The following EPHA8 variants were observed in gnomAD, a reference collection of about 807,000 sequenced individuals.
EPHA8 encodes EPH receptor A8.
EPHA8 carries 58 observed loss-of-function variants against 103.6 expected under a neutral mutation model. The observed-to-expected ratio is 0.56, with a 90% CI of 0.45 to 0.70. EPHA8 has a LOEUF of 0.70. Among genes scored for constraint, EPHA8 ranks in the 30% least tolerant of loss-of-function variants. The pLI, the probability that EPHA8 is intolerant of heterozygous loss-of-function variation, is 0.00. For synonymous variants in EPHA8, 559 were observed against 572.5 expected (o/e 0.98, Z 0.34); for missense variants, 1,304 against 1,395.2 (o/e 0.93, Z 1.04).
Position 22,576,676 on chromosome 1 carries a change from A to G in EPHA8, c.619A>G (p.Met207Val). Reference protein sequence around the residue: ...LRIYYKKCPAMVRNLAAFSEA... With the variant: ...LRIYYKKCPAVVRNLAAFSEA... ...CATCTACTATAAGAAGTGCCCTGCC[A>G]TGGTGCGCAATCTGGCTGCCTTCTC... The change falls in exon 3 of 17, where the codon ATG becomes GTG. Residue 207 changes from methionine (M) to valine (V), a missense_variant. Physicochemically the swap from Met to Val is conservative, Grantham distance 21. Coordinates refer to ENST00000166244, the MANE Select transcript of EPHA8 (RefSeq NM_020526.5). The surrounding 1 kb of genome is among the most constrained non-coding windows in gnomAD (Gnocchi z 4.8). The G allele has an allele frequency of 1.9e-6, 3 of 1,613,746 alleles. No individual in the cohort carries two copies. Among genetic ancestry groups the G allele is most frequent in the South Asian group, 1.1e-5 (1 of 91,072 alleles).
chr1:22,588,611 T>C (rs1253646586), intron 4 of EPHA8, among the ~76,000 whole-genome samples: 1 of 119,560 alleles, frequency 8.4e-6, no homozygotes, highest in Non-Finnish European at 1.7e-5. Context: ...CCTTGGATCA[T>C]GGTGGTCCTG....
At chr1:22,600,530 G>T in intron 13 of EPHA8, 131 bp from the exon 14 acceptor site, 1 of 1,260,968 alleles carries the variant, frequency 7.9e-7, no homozygotes, top group Non-Finnish European at 1.1e-6. Flanking sequence ...AGGTGCTCTG[G>T]GACGGTGGGG....
Position 22,576,980 on chromosome 1 carries a change from C to T in EPHA8, c.823+100C>T, listed in dbSNP as rs1640726592. The T allele has an allele frequency of 7.4e-6, 10 of 1,343,642 alleles. No homozygotes were observed. Among genetic ancestry groups the T allele is most frequent in the Non-Finnish European group, 9.9e-6 (10 of 1,007,974 alleles). The allele number at this position is 1,343,642 out of a possible 1,614,324, so 83.2% of individuals were successfully genotyped here. A position where few individuals can be genotyped will look rare whatever the true frequency, so the allele number is the denominator to read the frequency against. ...GGGGGACGTCAGAGCCCACAGGCAC[C>T]TGAGTGACCCACACAGCCCCTGGGA... On this transcript the variant is annotated intron_variant, in intron 3 of 16. Coordinates refer to ENST00000166244, the MANE Select transcript of EPHA8 (RefSeq NM_020526.5). This position sits in a 1 kb window ranked among gnomAD's most constrained non-coding sequence, Gnocchi z 4.8.
At chr1:22,600,149 G>A (rs1227187250) in intron 13 of EPHA8, among the ~76,000 whole-genome samples, 2 of 130,754 alleles carry the variant, frequency 1.5e-5, no homozygotes, top group Non-Finnish European at 3.3e-5. Flanking sequence ...GAGGAGGGAG[G>A]GAGGGAAGGA....
rs567403189 is a variant in EPHA8, at chr1:22,590,436, C to T, written c.1315+1230C>T. Reference sequence around the variant, plus strand: ...GTGCCTGGCGTATCTACTTCTTCCTCTCCTCTGCGGGACTTCTCCATGTCT... The same window carrying T: ...GTGCCTGGCGTATCTACTTCTTCCTTTCCTCTGCGGGACTTCTCCATGTCT... On this transcript the variant is annotated intron_variant, in intron 5 of 16. Transcript: ENST00000166244. 3.3e-5 allele frequency among the ~76,000 whole-genome samples: 5 copies of T among 152,332 alleles called. No homozygotes were observed. In the South Asian group the frequency reaches 8.3e-4, roughly 25 times the overall value.
At chr1:22,590,785 G>C (rs11578578) in intron 5 of EPHA8, among the ~76,000 whole-genome samples, 15,157 of 151,954 alleles carry the variant, frequency 0.1, 1,035 homozygotes, top group Non-Finnish European at 0.15. Flanking sequence ...CCCAACTCGC[G>C]GTCACCAGCG....
rs1419497993 is a variant in EPHA8 at position 22,588,857 on chromosome 1, T to C, written c.980-14T>C. On this transcript the variant is annotated splice_polypyrimidine_tract_variant and intron_variant, in intron 4 of 16. Transcript: ENST00000166244. ...TAAATAACCACTGCCCCATCTGTCA[T>C]CCTCTGCCCTCAGGGCCACCCTCGG... is the stretch of plus-strand genomic sequence containing the variant. 1.3e-6 allele frequency: 2 copies of C among 1,564,780 alleles called. No homozygotes were observed. Among genetic ancestry groups the C allele is most frequent in the African/African-American group, 2.7e-5 (2 of 74,368 alleles).
At position 22,576,080 on chromosome 1, in the gene EPHA8, G is replaced by A; in HGVS notation, c.160-137G>A. The A allele has an allele frequency of 1.1e-6, 1 of 942,222 alleles. No individual in the cohort carries two copies. Among genetic ancestry groups the A allele is most frequent in the Non-Finnish European group, 1.6e-6 (1 of 619,676 alleles). The allele number at this position is 942,222 out of a possible 1,614,324, so 58.4% of individuals were successfully genotyped here. ...TCGAGATCATGTCTGCAGGGGGCCT[G>A]GCATCTAGTAGCCACCAGGAGGCCA... On this transcript the variant is annotated intron_variant, in intron 2 of 16. Coordinates refer to ENST00000166244, the MANE Select transcript of EPHA8 (RefSeq NM_020526.5). The surrounding 1 kb of genome is among the most constrained non-coding windows in gnomAD (Gnocchi z 4.8).
chr1:22,601,991 C>T lies in EPHA8; in HGVS notation c.*250C>T. 3.5e-6 allele frequency: 2 copies of T among 571,814 alleles called. No homozygotes were observed. The highest frequency in any genetic ancestry group is 6.1e-6 in the Non-Finnish European group (2 of 327,108). 35.4% of individuals were successfully genotyped at this position (571,814 alleles called of 1,614,324 possible). On this transcript the variant is annotated 3_prime_UTR_variant, in exon 17 of 17. Transcript: ENST00000166244. ...GCAGGCACCTTCTCTTTTCCAGAGCCTGGGGCCTCCACGTCACAGAGTCCA... is the reference window on the plus strand; with the variant it reads ...GCAGGCACCTTCTCTTTTCCAGAGCTTGGGGCCTCCACGTCACAGAGTCCA...
intron 1 of EPHA8, among the ~76,000 whole-genome samples, chr1:22,568,464 C>T (rs887348840): frequency 2.0e-5 from 3 of 152,206 alleles, no homozygotes; most frequent in African/African-American, 7.2e-5. Context: ...AGCAAGTGCT[C>T]CGAATGGCAG....
chr1:22,593,591 A>C lies in EPHA8; in HGVS notation c.1508A>C (p.Lys503Thr), dbSNP rs772488857. The change falls in exon 7 of 17, where the codon AAG becomes ACG. Residue 503 changes from lysine (K) to threonine (T), a missense_variant. By Grantham distance (78) the Lys-to-Thr change is moderately conservative. Transcript: ENST00000166244. ...ACCAGAGCCACCGTCTCCGGCCTCA[A>C]GCCGGGCACCCGCTACGTGTTCCAG... ...VTTRATVSGLKPGTRYVFQVR... is the reference protein window; with the variant it reads ...VTTRATVSGLTPGTRYVFQVR... 6.2e-7 allele frequency: 1 copy of C among 1,611,944 alleles called. No homozygotes were observed. The highest frequency in any genetic ancestry group is 1.7e-5 in the Admixed American group (1 of 59,928).
At chr1:22,585,879 C>T (rs1557568770) in intron 3 of EPHA8, among the ~76,000 whole-genome samples, 1 of 152,192 alleles carries the variant, frequency 6.6e-6, no homozygotes, top group Non-Finnish European at 1.5e-5. Flanking sequence ...TCTAACTCAG[C>T]TGTCTGTGGT....
chr1:22,576,918 G>T lies in EPHA8; in HGVS notation c.823+38G>T. On this transcript the variant is annotated intron_variant, in intron 3 of 16. Transcript: ENST00000166244. This position sits in a 1 kb window ranked among gnomAD's most constrained non-coding sequence, Gnocchi z 4.8. The stretch of plus-strand genomic sequence containing the variant: ...TGGCCTGGGCATGGGTCAGCCGGCA[G>T]CGGTGCTTGGTCTTGGCAGGGCTGC... The T allele has an allele frequency of 6.5e-7, 1 of 1,547,036 alleles. No homozygotes were observed.
chr1:22,568,244 G>T (rs1640422415), intron 1 of EPHA8, among the ~76,000 whole-genome samples: 1 of 152,204 alleles, frequency 6.6e-6, no homozygotes, highest in Non-Finnish European at 1.5e-5. Context: ...ATAAGTAGCT[G>T]CCTTGAGACA....
chr1:22,577,525 G>A (rs563571945), intron 3 of EPHA8, among the ~76,000 whole-genome samples: 1 of 152,244 alleles, frequency 6.6e-6, no homozygotes, highest in South Asian at 2.1e-4. Flanking sequence ...GGACACCCAG[G>A]GAGTACAGTC....
intron 1 of EPHA8, among the ~76,000 whole-genome samples, chr1:22,566,353 T>C (rs1043032717): frequency 6.6e-6 from 1 of 152,158 alleles, no homozygotes; most frequent in South Asian, 2.1e-4. Flanking sequence ...AATTTAAGTA[T>C]TAGTCTCAGC....
At chr1:22,565,844 G>A (rs548675497) in intron 1 of EPHA8, among the ~76,000 whole-genome samples, 1 of 152,184 alleles carries the variant, frequency 6.6e-6, no homozygotes, top group Non-Finnish European at 1.5e-5. Flanking sequence ...CGCCCTCTCC[G>A]ATCAATGCAG....
intron 2 of EPHA8, among the ~76,000 whole-genome samples, chr1:22,574,312 G>A (rs1256405124): frequency 6.6e-6 from 1 of 152,166 alleles, no homozygotes; most frequent in Non-Finnish European, 1.5e-5. Flanking sequence ...TTATTCTGGT[G>A]AAATACACAT....
chr1:22,579,489 T>C (rs1390067378), intron 3 of EPHA8, among the ~76,000 whole-genome samples: 2 of 151,634 alleles, frequency 1.3e-5, no homozygotes, highest in Non-Finnish European at 2.9e-5. Context: ...TGAGTGTATG[T>C]CTGCATGGTG....
Sources: allele counts gnomAD v4.1 joint callset (sites outside exome capture counted in the v4.1 genomes callset), GRCh38; gene constraint gnomAD v4.1.1; non-coding constraint Gnocchi (gnomAD v3.1); transcripts MANE v1.5; gene names NCBI Gene and HGNC (gene_info 2026-07-23, HGNC 2026-07-21).